Variants in PLA2G7 observed in about 807,000 individuals in gnomAD.
The protein encoded by PLA2G7 is platelet-activating factor acetylhydrolase.
PLA2G7 carries 63 observed loss-of-function variants against 49.6 expected under a neutral mutation model. The observed-to-expected ratio is 1.27, with a 90% CI of 1.04 to 1.57. The LOEUF (loss-of-function observed/expected upper bound fraction) is 1.57, where lower values mean the gene tolerates loss of function less well. Ranked by LOEUF, PLA2G7 falls within the 40% of genes most tolerant of loss-of-function variation. The pLI, the probability that PLA2G7 is intolerant of heterozygous loss-of-function variation, is 0.00. For synonymous variants in PLA2G7, 193 were observed against 169.9 expected (o/e 1.14, Z -1.06); for missense variants, 596 against 521.2 (o/e 1.14, Z -1.40).
At chr6:46,705,075 G>T in intron 11 of PLA2G7, 78 bp downstream of exon 11, 1 of 1,027,750 alleles carries the variant, frequency 9.7e-7, no homozygotes, top group Non-Finnish European at 1.5e-6. Flanking sequence ...AGTTTAAATA[G>T]TACTAAAGCT....
chr6:46,704,441 T>TTCTCTCTCTCTCTC lies in PLA2G7; in HGVS notation c.*105_*118dup, dbSNP rs368946627. On this transcript the variant is annotated 3_prime_UTR_variant, in exon 12 of 12. Transcript: ENST00000274793. Reference sequence around the variant, plus strand: ...AGTCCTTTGGGAAAATACATTAAAATTCTCTCTCTCTCTCTCTCTCTCTCT... The same window carrying TTCTCTCTCTCTCTC: ...AGTCCTTTGGGAAAATACATTAAAATTCTCTCTCTCTCTCTCTCTCTCTCTCTCTCTCTCTCTCT... 1.5e-4 allele frequency: 81 copies of TTCTCTCTCTCTCTC among 552,824 alleles called. No homozygotes were observed. The highest frequency in any genetic ancestry group is 1.3e-3 in the African/African-American group (65 of 51,040). The allele number at this position is 552,824 out of a possible 1,614,324, so 34.2% of individuals were successfully genotyped here.
chr6:46,714,743 T>G (rs1765144444), intron 4 of PLA2G7, among the ~76,000 whole-genome samples, 190 bp from the exon 5 acceptor site: 1 of 148,096 alleles, frequency 6.8e-6, no homozygotes, highest in African/African-American at 2.5e-5. Context: ...TAAGTTTTTT[T>G]TTTTTTTTTG....
chr6:46,705,684 A>G (rs1364255647), intron 10 of PLA2G7, among the ~76,000 whole-genome samples: 1 of 152,240 alleles, frequency 6.6e-6, no homozygotes, highest in East Asian at 1.9e-4. Context: ...TGAACGTGGT[A>G]TGTATTTGAT....
At chr6:46,733,703 G>A (rs1000917276) in intron 1 of PLA2G7, among the ~76,000 whole-genome samples, 1 of 152,208 alleles carries the variant, frequency 6.6e-6, no homozygotes, top group African/African-American at 2.4e-5. Flanking sequence ...ATCTGCCTGG[G>A]TGATGGAGGC....
At chr6:46,730,334 G>C (rs1265354210) in intron 1 of PLA2G7, among the ~76,000 whole-genome samples, 2 of 152,198 alleles carry the variant, frequency 1.3e-5, no homozygotes, top group African/African-American at 4.8e-5. Flanking sequence ...TCAACAATTA[G>C]CATTATCTTC....
chr6:46,712,193 A>G (rs535108696), intron 6 of PLA2G7, 76 bp downstream of exon 6: 1 of 961,202 alleles, frequency 1.0e-6, no homozygotes, highest in Admixed American at 1.7e-5. Context: ...AACTTTTATG[A>G]AAATTAGAAA....
chr6:46,709,989 G>A (rs1422625410), intron 8 of PLA2G7, among the ~76,000 whole-genome samples: 1 of 152,180 alleles, frequency 6.6e-6, no homozygotes, highest in Non-Finnish European at 1.5e-5. Flanking sequence ...TAGGCAAGGG[G>A]AAGGGTGTGT....
At chr6:46,714,002 A>G (rs1765116749) in intron 5 of PLA2G7, among the ~76,000 whole-genome samples, 1 of 152,044 alleles carries the variant, frequency 6.6e-6, no homozygotes, top group Admixed American at 6.6e-5. Flanking sequence ...TTCTTATCCA[A>G]TCCTTCTCCC....
chr6:46,707,459 G>A lies in PLA2G7; in HGVS notation c.1040+532C>T, dbSNP rs565400675. Among the ~76,000 whole-genome samples the A allele has an allele frequency of 7.7e-4, 117 of 152,260 alleles. 1 individual carries two copies. Among genetic ancestry groups the A allele is most frequent in the Middle Eastern group, 3.4e-3 (1 of 294 alleles). On this transcript the variant is annotated intron_variant, in intron 10 of 11. Transcript: ENST00000274793. ...ACTGGTGGGAGGTGATTGGATCATG[G>A]GAGCAGTTTCTCATGGTTTCACACC... is the stretch of plus-strand genomic sequence containing the variant.
intron 1 of PLA2G7, among the ~76,000 whole-genome samples, chr6:46,732,776 G>A (rs1269364627): frequency 1.3e-5 from 2 of 152,158 alleles, no homozygotes; most frequent in East Asian, 1.9e-4. Context: ...GACAGTGAGG[G>A]CACATAATGT....
In PLA2G7 at chr6:46,732,492, A is replaced by G. The variant is rs1765764893; in HGVS notation, c.-35+2688T>C. ...AATTCTAGAATGTGAGCACTGTGAGAGCAGAGAGCATATCTATCTTACTAA... is the reference window on the plus strand; with the variant it reads ...AATTCTAGAATGTGAGCACTGTGAGGGCAGAGAGCATATCTATCTTACTAA... On this transcript the variant is annotated intron_variant, in intron 1 of 11. Coordinates refer to ENST00000274793, the MANE Select transcript of PLA2G7 (RefSeq NM_005084.4). Among the ~76,000 whole-genome samples the G allele has an allele frequency of 4.6e-5, 7 of 152,176 alleles. No individual in the cohort carries two copies. The South Asian group carries it at 1.5e-3, about 32-fold the overall frequency.
intron 1 of PLA2G7, among the ~76,000 whole-genome samples, chr6:46,733,964 CT>C (rs1765811375): frequency 6.6e-6 from 1 of 152,126 alleles, no homozygotes; most frequent in South Asian, 2.1e-4. Context: ...ATCCGTGTGC[CT>C]TTTAAAGGTG....
intron 1 of PLA2G7, among the ~76,000 whole-genome samples, chr6:46,729,278 G>A (rs1009438939): frequency 2.0e-5 from 3 of 152,058 alleles, no homozygotes; most frequent in Admixed American, 6.6e-5. Context: ...AAAAGAAGCC[G>A]GAAAAATGAT....
chr6:46,724,539 A>G (rs1765512962), intron 1 of PLA2G7, among the ~76,000 whole-genome samples: 1 of 152,238 alleles, frequency 6.6e-6, no homozygotes, highest in Non-Finnish European at 1.5e-5. Flanking sequence ...CTGAACATCT[A>G]TGTGCTTCCC....
chr6:46,723,837 G>A (rs551872247), intron 1 of PLA2G7, among the ~76,000 whole-genome samples: 4 of 152,162 alleles, frequency 2.6e-5, no homozygotes, highest in South Asian at 2.1e-4. Flanking sequence ...TATATGTTAC[G>A]GGGGAGAAGC....
chr6:46,708,008 T>C lies in PLA2G7; in HGVS notation c.1023A>G (p.Arg341=). The C allele has an allele frequency of 1.9e-6, 3 of 1,570,124 alleles. No individual in the cohort carries two copies. The highest frequency in any genetic ancestry group is 1.3e-5 in the African/African-American group (1 of 74,208). The part of the protein sequence containing the change: ...MKKCYSPDKE[R]KMITIRGSVH... ...ATACTTACCTGATTGTAATCATCTT[T>C]CTTTCTTTATCAGGTGAGTAGCATT... Residue 341 remains arginine (R), a synonymous_variant, in exon 10 of 12, where the codon AGA becomes AGG. Transcript: ENST00000274793.
At chr6:46,728,134 C>T (rs1765626135) in intron 1 of PLA2G7, among the ~76,000 whole-genome samples, 1 of 152,166 alleles carries the variant, frequency 6.6e-6, no homozygotes, top group East Asian at 1.9e-4. Flanking sequence ...GACCCATTAC[C>T]ACACCAAATG....
chr6:46,716,323 G>T, intron 4 of PLA2G7, 61 bp downstream of exon 4: 1 of 1,559,308 alleles, frequency 6.4e-7, no homozygotes, highest in Non-Finnish European at 8.8e-7. Flanking sequence ...TGAAGTTCTT[G>T]TTGTTTTCAA....
chr6:46,732,204 C>T (rs1765755179), intron 1 of PLA2G7, among the ~76,000 whole-genome samples: 1 of 152,176 alleles, frequency 6.6e-6, no homozygotes, highest in African/African-American at 2.4e-5. Flanking sequence ...GCCTCCAACA[C>T]ATCACACCTG....
Sources: allele counts gnomAD v4.1 joint callset (sites outside exome capture counted in the v4.1 genomes callset), GRCh38; gene constraint gnomAD v4.1.1; transcripts MANE v1.5; gene names NCBI Gene and HGNC (gene_info 2026-07-23, HGNC 2026-07-21).